Variants in LDB2 observed in about 807,000 individuals in gnomAD.
The protein encoded by LDB2 is LIM domain-binding protein 2.
Under a neutral mutation model 44.3 loss-of-function variants are expected in LDB2, and 12 were observed. The ratio of observed to expected loss-of-function variants is 0.27; its 90% CI spans 0.17 to 0.44. The LOEUF (loss-of-function observed/expected upper bound fraction) is 0.44. LDB2 is among the 20% of genes least tolerant of loss of function. LDB2 has a pLI of 1.00. For synonymous variants in LDB2, 164 were observed against 174.8 expected (o/e 0.94, Z 0.49); for missense variants, 344 against 473.5 (o/e 0.73, Z 2.54).
intron 1 of LDB2, among the ~76,000 whole-genome samples, chr4:16,823,484 G>A (rs1782480552): frequency 6.6e-6 from 1 of 151,986 alleles, no homozygotes; most frequent in Non-Finnish European, 1.5e-5. Flanking sequence ...TTCAATGAGA[G>A]TTTTAAGTAC....
In LDB2 at chr4:16,512,039, G is replaced by A. The variant is rs1721942971; in HGVS notation, c.681C>T (p.Pro227=). 1 of 1,613,686 alleles carries A rather than the reference G, an allele frequency of 6.2e-7. No homozygotes were observed. Among genetic ancestry groups the A allele is most frequent in the Non-Finnish European group, 8.5e-7 (1 of 1,179,760 alleles). The change falls in exon 6 of 8, where the codon CCC becomes CCT. Residue 227 remains proline, a synonymous_variant. Transcript: ENST00000304523. ...MSRHKTYNLS[P]RDCLKTCLFQ... is the part of the protein sequence containing the mutation. Reference sequence around the variant, plus strand: ...ACAAGCAGGTCTTCAGGCAGTCTCGGGGACTGAGGTTGTAAGTTTTATGTC... The same window carrying A: ...ACAAGCAGGTCTTCAGGCAGTCTCGAGGACTGAGGTTGTAAGTTTTATGTC...
chr4:16,898,530 G>T lies in LDB2; in HGVS notation c.-45C>A. 2 of 1,606,860 alleles carry T rather than the reference G, an allele frequency of 1.2e-6. No homozygotes were observed. On this transcript the variant is annotated 5_prime_UTR_variant, in exon 1 of 8. Transcript: ENST00000304523. ...TCAAGCTAAACAGAGTATCAGTAAC[G>T]TCCATGCAGAGCACATGGGCTGTGT...
chr4:16,801,932 A>G (rs530793805), intron 1 of LDB2, among the ~76,000 whole-genome samples: 10 of 152,220 alleles, frequency 6.6e-5, no homozygotes, highest in Non-Finnish European at 1.3e-4. Context: ...ACACCCATGG[A>G]ATTCCAGAAT....
At chr4:16,800,692 T>C (rs1224386810) in intron 1 of LDB2, among the ~76,000 whole-genome samples, 1 of 152,210 alleles carries the variant, frequency 6.6e-6, no homozygotes, top group Non-Finnish European at 1.5e-5. Context: ...TTTGTTTTTT[T>C]GAGACGGAGT....
At chr4:16,553,072 A>C (rs1738232227) in intron 5 of LDB2, among the ~76,000 whole-genome samples, 1 of 152,246 alleles carries the variant, frequency 6.6e-6, no homozygotes, top group Non-Finnish European at 1.5e-5. Context: ...AAAGAAAGAA[A>C]TAGCCCTTCT....
At chr4:16,748,909 T>C (rs139030853) in intron 2 of LDB2, among the ~76,000 whole-genome samples, 262 of 152,302 alleles carry the variant, frequency 1.7e-3, no homozygotes, top group African/African-American at 5.9e-3. Context: ...CTGCTAATAA[T>C]CAAGTCTTTG....
chr4:16,692,814 T>C (rs16893793), intron 2 of LDB2, among the ~76,000 whole-genome samples: 12,278 of 152,214 alleles, frequency 0.081, 672 homozygotes, highest in East Asian at 0.33. Context: ...TTCGCTTTTG[T>C]GTTTCTCACA....
chr4:16,749,024 G>T (rs1764920649), intron 2 of LDB2, among the ~76,000 whole-genome samples: 1 of 152,112 alleles, frequency 6.6e-6, no homozygotes, highest in Non-Finnish European at 1.5e-5. Context: ...AAGTCATTGA[G>T]GAAGGTTAAA....
At chr4:16,834,406 T>A (rs1161149568) in intron 1 of LDB2, among the ~76,000 whole-genome samples, 2 of 152,172 alleles carry the variant, frequency 1.3e-5, no homozygotes, top group African/African-American at 4.8e-5. Flanking sequence ...TGTGGCGTGA[T>A]TGAGTGAAAG....
chr4:16,566,946 T>C (rs1744738929), intron 5 of LDB2, among the ~76,000 whole-genome samples: 1 of 152,220 alleles, frequency 6.6e-6, no homozygotes. Context: ...AATGAGATGC[T>C]ATTTTTCACT....
intron 2 of LDB2, among the ~76,000 whole-genome samples, chr4:16,649,164 T>A (rs1158236259): frequency 6.6e-6 from 1 of 152,214 alleles, no homozygotes; most frequent in African/African-American, 2.4e-5. Context: ...TTACCCTGAA[T>A]TCTTTTCTGT....
At chr4:16,863,006 G>C (rs1713243624) in intron 1 of LDB2, among the ~76,000 whole-genome samples, 1 of 152,072 alleles carries the variant, frequency 6.6e-6, no homozygotes, top group Non-Finnish European at 1.5e-5. Flanking sequence ...GTGCTTCCTG[G>C]GCAGCCCGCA....
At chr4:16,552,985 C>T (rs1738199156) in intron 5 of LDB2, among the ~76,000 whole-genome samples, 1 of 152,136 alleles carries the variant, frequency 6.6e-6, no homozygotes, top group African/African-American at 2.4e-5. Flanking sequence ...AGTCAGCCTC[C>T]AGATTACCAA....
chr4:16,825,226 A>T (rs766678157), intron 1 of LDB2, among the ~76,000 whole-genome samples: 28 of 152,196 alleles, frequency 1.8e-4, no homozygotes, highest in Non-Finnish European at 3.4e-4. Context: ...AACAGCTCCA[A>T]TTATTCCTAA....
intron 1 of LDB2, among the ~76,000 whole-genome samples, chr4:16,842,544 CA>C (rs1350725501): frequency 6.6e-6 from 1 of 152,132 alleles, no homozygotes; most frequent in Non-Finnish European, 1.5e-5. Flanking sequence ...TTTATTAAGG[CA>C]CTCAGATATT....
chr4:16,600,782 C>A (rs1320446632), intron 2 of LDB2, among the ~76,000 whole-genome samples: 1 of 152,012 alleles, frequency 6.6e-6, no homozygotes, highest in Non-Finnish European at 1.5e-5. Context: ...TAACTTCTAT[C>A]TTTTCTTGTA....
At chr4:16,806,557 G>C (rs1305472376) in intron 1 of LDB2, among the ~76,000 whole-genome samples, 2 of 152,230 alleles carry the variant, frequency 1.3e-5, no homozygotes, top group Non-Finnish European at 2.9e-5. Context: ...GGCAGTTGCA[G>C]AGGAGCTGCT....
chr4:16,759,236 C>A lies in LDB2; in HGVS notation c.157G>T (p.Ala53Ser), dbSNP rs531586609. Reference sequence around the variant, plus strand: ...TCTTCAAAAAATTCAGTGGCAAAGGCGTCCCACCAGAGGTTGTCACTATCC... The same window carrying A: ...TCTTCAAAAAATTCAGTGGCAAAGGAGTCCCACCAGAGGTTGTCACTATCC... ...TEDSDNLWWDAFATEFFEDDA... is the reference protein window; with the variant it reads ...TEDSDNLWWDSFATEFFEDDA... The change falls in exon 2 of 8, where the codon GCC becomes TCC. Residue 53 changes from alanine (A) to serine (S), a missense_variant. This residue lies in a region of LDB2 where 226 missense variants were observed against 270.1 expected (regional missense o/e 0.84). Transcript: ENST00000304523. 2 of 1,613,410 alleles carry A rather than the reference C, an allele frequency of 1.2e-6. No individual in the cohort carries two copies. Among genetic ancestry groups the A allele is most frequent in the African/African-American group, 2.7e-5 (2 of 74,884 alleles).
chr4:16,503,164 T>TA (rs1257981872), intron 7 of LDB2: 35 of 1,534,634 alleles, frequency 2.3e-5, no homozygotes, highest in African/African-American at 5.5e-5. Context: ...TTTTCAAAAT[T>TA]AAAAAAATCC....
Sources: allele counts gnomAD v4.1 joint callset (sites outside exome capture counted in the v4.1 genomes callset), GRCh38; gene constraint gnomAD v4.1.1; regional missense constraint gnomAD v4.1.1; transcripts MANE v1.5; gene names NCBI Gene and HGNC (gene_info 2026-07-23, HGNC 2026-07-21).